SHH: variants seen among roughly 807,000 people sequenced by gnomAD.
SHH encodes sonic hedgehog protein.
In SHH, 3 loss-of-function variants were observed where a neutral mutation model predicts 16.6. The observed-to-expected ratio is 0.18, with a 90% CI of 0.08 to 0.47. The LOEUF is 0.47. SHH is among the 20% of genes least tolerant of loss of function. The pLI is 0.98. For synonymous variants in SHH, 351 were observed against 316.2 expected (o/e 1.11, Z -1.17); for missense variants, 499 against 665.0 (o/e 0.75, Z 2.75).
In SHH at chr7:155,803,101, G is replaced by C. The variant is rs1346047832; in HGVS notation, c.1188C>G (p.Asp396Glu). 3 of 1,347,476 alleles carry C rather than the reference G, an allele frequency of 2.2e-6. No homozygotes were observed. The highest frequency in any genetic ancestry group is 2.9e-6 in the Non-Finnish European group (3 of 1,051,466). The allele number at this position is 1,347,476 out of a possible 1,614,324, so 83.5% of individuals were successfully genotyped here. The change falls in exon 3 of 3, where the codon GAC (aspartate) becomes GAG (glutamate). Residue 396 changes from aspartate to glutamate, a missense_variant. By Grantham distance (45) the Asp-to-Glu change is conservative. This residue lies in a region of SHH where 299 missense variants were observed against 301.1 expected (regional missense o/e 0.99). Coordinates refer to ENST00000297261, the MANE Select transcript of SHH (RefSeq NM_000193.4). Reference protein sequence around the residue: ...LLAALAPARTDRGGDSGGGDR... With the variant: ...LLAALAPARTERGGDSGGGDR... ...CCCCGCCGCCGCTGTCCCCGCCGCG[G>C]TCCGTGCGCGCGGGCGCCAGTGCAG...
chr7:155,799,998 TTTAA>T lies in SHH; in HGVS notation c.*2898_*2901del. The stretch of plus-strand genomic sequence containing the variant: ...CACTGAAGAGAGTCTCTGTAATTTC[TTTAA>T]TTATTCAAACAATAGAGCACAAAGA... On this transcript the variant is annotated 3_prime_UTR_variant, in exon 3 of 3. Coordinates refer to ENST00000297261, the MANE Select transcript of SHH (RefSeq NM_000193.4). 2.1e-6 allele frequency: 1 copy of T among 468,338 alleles called. No homozygotes were observed. The highest frequency in any genetic ancestry group is 4.4e-6 in the Non-Finnish European group (1 of 224,812). The allele number at this position is 468,338 out of a possible 1,614,324, so 29.0% of individuals were successfully genotyped here. A position where few individuals can be genotyped will look rare whatever the true frequency, so the allele number is the denominator to read the frequency against.
At chr7:155,806,763 T>C in intron 1 of SHH, 1 of 701,272 alleles carries the variant, frequency 1.4e-6, no homozygotes, top group Non-Finnish European at 2.6e-6. Flanking sequence ...CGGAGGAGCG[T>C]GGAGGAGCAC....
At position 155,806,519 on chromosome 7, in the gene SHH, C is replaced by G. The variant is rs757875401; in HGVS notation, c.339G>C (p.Val113=). The part of the protein sequence containing the change: ...KDKLNALAIS[V]MNQWPGVKLR... The stretch of plus-strand genomic sequence containing the variant: ...GTTTCACTCCTGGCCACTGGTTCAT[C>G]ACCGAGATGGCCAAAGCGTTCAACT... Residue 113 remains valine, a synonymous_variant, in exon 2 of 3, where the codon GTG becomes GTC. Transcript: ENST00000297261. 9.2e-5 allele frequency: 149 copies of G among 1,612,212 alleles called. No individual in the cohort carries two copies. Among genetic ancestry groups the G allele is most frequent in the Non-Finnish European group, 1.2e-4 (144 of 1,180,036 alleles).
At chr7:155,811,462 C>T (rs1426583841) in intron 1 of SHH, among the ~76,000 whole-genome samples, 2 of 152,214 alleles carry the variant, frequency 1.3e-5, no homozygotes, top group Non-Finnish European at 2.9e-5. Flanking sequence ...CTTCCATTTC[C>T]ACTCCTGACT....
In SHH at chr7:155,800,124, G is replaced by A. The variant is rs768331050; in HGVS notation, c.*2776C>T. On this transcript the variant is annotated 3_prime_UTR_variant, in exon 3 of 3. Coordinates refer to ENST00000297261, the MANE Select transcript of SHH (RefSeq NM_000193.4). ...GCAGCAACCACCATGCATACATTTT[G>A]CACAAACTCTTGGCTCCGTCAACCC... 1.1e-5 allele frequency: 5 copies of A among 471,678 alleles called. No homozygotes were observed. The highest frequency in any genetic ancestry group is 7.7e-5 in the South Asian group (5 of 64,568). The allele number at this position is 471,678 out of a possible 1,614,324, so 29.2% of individuals were successfully genotyped here.
intron 2 of SHH, among the ~76,000 whole-genome samples, chr7:155,803,937 C>T (rs1186183131): frequency 6.7e-6 from 1 of 148,604 alleles, no homozygotes; most frequent in Non-Finnish European, 1.5e-5. Flanking sequence ...CGACACATTC[C>T]TTAACGACTC....
Position 155,800,702 on chromosome 7 carries a change from G to A in SHH, c.*2198C>T, listed in dbSNP as rs1803161086. ...CAAAGAAAAGTCTTTTACAGAAAAAGGCTGAGGACTGCTCCTGAGGAGAGG... is the reference window on the plus strand; with the variant it reads ...CAAAGAAAAGTCTTTTACAGAAAAAAGCTGAGGACTGCTCCTGAGGAGAGG... On this transcript the variant is annotated 3_prime_UTR_variant, in exon 3 of 3. Coordinates refer to ENST00000297261, the MANE Select transcript of SHH (RefSeq NM_000193.4). 4.3e-6 allele frequency: 2 copies of A among 465,868 alleles called. No individual in the cohort carries two copies. The highest frequency in any genetic ancestry group is 1.6e-5 in the South Asian group (1 of 64,450). The allele number at this position is 465,868 out of a possible 1,614,324, so 28.9% of individuals were successfully genotyped here.
At chr7:155,810,296 G>A (rs1157243322) in intron 1 of SHH, among the ~76,000 whole-genome samples, 2 of 151,928 alleles carry the variant, frequency 1.3e-5, no homozygotes, top group Non-Finnish European at 2.9e-5. Flanking sequence ...ACCCACTCTG[G>A]CTCTGGGACC....
Position 155,811,850 on chromosome 7 carries a change from G to A in SHH, c.273C>T (p.Asn91=), listed in dbSNP as rs1019351832. 2 of 1,614,170 alleles carry A rather than the reference G, an allele frequency of 1.2e-6. No individual in the cohort carries two copies. Among genetic ancestry groups the A allele is most frequent in the Admixed American group, 1.7e-5 (1 of 60,026 alleles). Residue 91 remains asparagine (N), a synonymous_variant, in exon 1 of 3, where the codon AAC becomes AAT. Coordinates refer to ENST00000297261, the MANE Select transcript of SHH (RefSeq NM_000193.4). ...NPDIIFKDEE[N]TGADRLMTQR... The stretch of plus-strand genomic sequence containing the variant: ...GAGTCATCAGCCTGTCCGCTCCGGT[G>A]TTTTCTTCATCCTTAAATATGATGT...
intron 2 of SHH, among the ~76,000 whole-genome samples, chr7:155,804,534 C>G (rs1389515509): frequency 6.6e-6 from 1 of 152,098 alleles, no homozygotes; most frequent in Non-Finnish European, 1.5e-5. Flanking sequence ...CGGGCCTCCC[C>G]CTCCCTATTT....
intron 1 of SHH, among the ~76,000 whole-genome samples, chr7:155,808,630 C>T (rs934748057): frequency 2.0e-5 from 3 of 152,210 alleles, no homozygotes; most frequent in Non-Finnish European, 4.4e-5. Flanking sequence ...GGCGGCCTCT[C>T]CTCCGCCCGC....
chr7:155,800,043 C>T lies in SHH; in HGVS notation c.*2857G>A, dbSNP rs145588767. The T allele has an allele frequency of 2.1e-6, 1 of 471,564 alleles. No homozygotes were observed. The highest frequency in any genetic ancestry group is 2.0e-5 in the African/African-American group (1 of 50,198). The allele number at this position is 471,564 out of a possible 1,614,324, so 29.2% of individuals were successfully genotyped here. A position where few individuals can be genotyped will look rare whatever the true frequency, so the allele number is the denominator to read the frequency against. ...AGCACAAAGATAACAGTTTCAAGTA[C>T]ATTGTGATACACGTTTTGACAGGAA... On this transcript the variant is annotated 3_prime_UTR_variant, in exon 3 of 3. Transcript: ENST00000297261.
In SHH at chr7:155,803,409, G is replaced by T; in HGVS notation, c.880C>A (p.Pro294Thr). 1 of 1,519,602 alleles carries T rather than the reference G, an allele frequency of 6.6e-7. No individual in the cohort carries two copies. The allele number at this position is 1,519,602 out of a possible 1,614,324, so 94.1% of individuals were successfully genotyped here. ...EPEASSGSGP[P>T]SGGALGPRAL... Reference sequence around the variant, plus strand: ...CGAGGCCCCAGTGCGCCCCCGGAAGGCGGCCCCGAGCCCGAGGACGCCTCG... The same window carrying T: ...CGAGGCCCCAGTGCGCCCCCGGAAGTCGGCCCCGAGCCCGAGGACGCCTCG... Residue 294 changes from proline to threonine, a missense_variant, in exon 3 of 3, where the codon CCT becomes ACT. Physicochemically the swap from Pro to Thr is conservative, Grantham distance 38 (BLOSUM62 -1). This residue lies in a region of SHH where 299 missense variants were observed against 301.1 expected (regional missense o/e 0.99). Transcript: ENST00000297261.
In SHH at chr7:155,807,127, C is replaced by T; in HGVS notation, c.301-570G>A. ...TTGAAGGCCTTGCATTTATTTACCT[C>T]AGGCCCTAACCCTATCCGAGGCAGA... On this transcript the variant is annotated intron_variant, in intron 1 of 2. Transcript: ENST00000297261. The surrounding 1 kb of genome is among the most constrained non-coding windows in gnomAD (Gnocchi z 7.1). 5.5e-6 allele frequency: 1 copy of T among 182,362 alleles called. No homozygotes were observed. Among genetic ancestry groups the T allele is most frequent in the Non-Finnish European group, 1.2e-5 (1 of 84,876 alleles). 11.3% of individuals were successfully genotyped at this position (182,362 alleles called of 1,614,324 possible). A position where few individuals can be genotyped will look rare whatever the true frequency, so the allele number is the denominator to read the frequency against.
intron 1 of SHH, among the ~76,000 whole-genome samples, chr7:155,811,105 G>C (rs995546225): frequency 1.3e-5 from 2 of 152,258 alleles, no homozygotes; most frequent in Admixed American, 6.5e-5. Context: ...CCTCGGGCTT[G>C]GAAGAACGAA....
In SHH at chr7:155,812,004, G is replaced by T; in HGVS notation, c.119C>A (p.Thr40Asn). ...GATAAACTGCTTGTAGGCTAAAGGG[G>T]TCAGCTTTTTGGGGTGCCTCCTCTT... Reference protein sequence around the residue: ...FGKRRHPKKLTPLAYKQFIPN... With the variant: ...FGKRRHPKKLNPLAYKQFIPN... The change falls in exon 1 of 3, where the codon ACC (threonine) becomes AAC (asparagine). Residue 40 changes from threonine to asparagine, a missense_variant. Around this residue, in one of 4 missense-constraint regions of SHH, gnomAD observed 75 missense variants for 115.0 expected, o/e 0.65. Coordinates refer to ENST00000297261, the MANE Select transcript of SHH (RefSeq NM_000193.4). 3.1e-6 allele frequency: 5 copies of T among 1,614,188 alleles called. No homozygotes were observed. Among genetic ancestry groups the T allele is most frequent in the Admixed American group, 1.7e-5 (1 of 60,034 alleles).
Position 155,809,852 on chromosome 7 carries a change from C to A in SHH, c.300+1971G>T, listed in dbSNP as rs1270279657. 2.0e-5 allele frequency among the ~76,000 whole-genome samples: 3 copies of A among 151,616 alleles called. No individual in the cohort carries two copies. The highest frequency in any genetic ancestry group is 1.3e-4 in the Admixed American group (2 of 15,230). On this transcript the variant is annotated intron_variant, in intron 1 of 2. Coordinates refer to ENST00000297261, the MANE Select transcript of SHH (RefSeq NM_000193.4). This position sits in a 1 kb window ranked among gnomAD's most constrained non-coding sequence, Gnocchi z 6.1. ...CGGGGGTCGGGGGGAGGCCCCCGGG[C>A]TGGGGGCTCCGGCTGGGACGCGGAG...
rs1803241579 is a variant in SHH at position 155,803,163 on chromosome 7, C to T, written c.1126G>A (p.Ala376Thr). 6.9e-7 allele frequency: 1 copy of T among 1,447,604 alleles called. No homozygotes were observed. Among genetic ancestry groups the T allele is most frequent in the Non-Finnish European group, 9.1e-7 (1 of 1,098,446 alleles). The allele number at this position is 1,447,604 out of a possible 1,614,324, so 89.7% of individuals were successfully genotyped here. Reference protein sequence around the residue: ...VIEEHSWAHRAFAPFRLAHAL... With the variant: ...VIEEHSWAHRTFAPFRLAHAL... ...TGCGCCAGGCGGAAGGGCGCGAAGG[C>T]CCGGTGCGCCCAGCTGTGCTCCTCG... The change falls in exon 3 of 3, where the codon GCC (alanine) becomes ACC (threonine). Residue 376 changes from alanine to threonine, a missense_variant. Around this residue, in one of 4 missense-constraint regions of SHH, gnomAD observed 299 missense variants for 301.1 expected, o/e 0.99. Coordinates refer to ENST00000297261, the MANE Select transcript of SHH (RefSeq NM_000193.4).
In SHH at chr7:155,807,554, A is replaced by T. The variant is rs1803399378; in HGVS notation, c.301-997T>A. On this transcript the variant is annotated intron_variant, in intron 1 of 2. Transcript: ENST00000297261. This position sits in a 1 kb window ranked among gnomAD's most constrained non-coding sequence, Gnocchi z 7.1. Reference sequence around the variant, plus strand: ...TGGGAGGAGGCAGGAAACACTGACTAGGCAGATGCAGACGGGGTTACCTGG... The same window carrying T: ...TGGGAGGAGGCAGGAAACACTGACTTGGCAGATGCAGACGGGGTTACCTGG... 6.6e-6 allele frequency among the ~76,000 whole-genome samples: 1 copy of T among 152,172 alleles called. No individual in the cohort carries two copies. The highest frequency in any genetic ancestry group is 1.5e-5 in the Non-Finnish European group (1 of 68,028).
Sources: gnomAD v4.1 joint callset for allele counts (sites outside exome capture counted in the v4.1 genomes callset) on GRCh38, gnomAD v4.1.1 for gene constraint, gnomAD v4.1.1 regional missense constraint, Gnocchi (gnomAD v3.1) non-coding constraint, MANE v1.5 for transcripts, NCBI Gene and HGNC (gene_info 2026-07-23, HGNC 2026-07-21) for gene names.